BBS12: variants seen among roughly 807,000 people sequenced by gnomAD.
The protein encoded by BBS12 is Bardet-Biedl syndrome 12.
In BBS12, 5 loss-of-function variants were observed where a neutral mutation model predicts 5.6. The ratio of observed to expected loss-of-function variants is 0.89; its 90% CI spans 0.46 to 1.86. The LOEUF (loss-of-function observed/expected upper bound fraction) is 1.86. BBS12 is among the 40% of genes most tolerant of loss of function. The pLI is 0.01. For missense variants in BBS12, 748 were observed against 830.4 expected, an observed-to-expected ratio of 0.90 and a Z score of 1.22; for synonymous variants, 308 against 306.8, an observed-to-expected ratio of 1.00 and a Z score of -0.04.
At chr4:122,701,213 T>C in the BBS12 span, among the ~76,000 whole-genome samples, 2 of 152,244 alleles carry the variant, frequency 1.3e-5, no homozygotes, top group Non-Finnish European at 2.9e-5. Flanking sequence ...TAGTCATTTC[T>C]GTAGAAACAG....
intron 1 of BBS12, among the ~76,000 whole-genome samples, chr4:122,734,958 A>G (rs2150732447): frequency 6.6e-6 from 1 of 152,352 alleles, no homozygotes; most frequent in Middle Eastern, 3.4e-3. Flanking sequence ...AATGTTTTCT[A>G]TATGTCATGC....
At chr4:122,733,403 A>G (rs1013017243) in intron 1 of BBS12, among the ~76,000 whole-genome samples, 8 of 147,176 alleles carry the variant, frequency 5.4e-5, no homozygotes, top group African/African-American at 2.1e-4. Context: ...ACACACACAC[A>G]CACACACACA....
the BBS12 span, among the ~76,000 whole-genome samples, chr4:122,708,366 G>A: frequency 1.3e-5 from 2 of 152,230 alleles, no homozygotes; most frequent in Admixed American, 6.5e-5. Flanking sequence ...GCTACCAGCT[G>A]TTAGGAGGCC....
Position 122,742,771 on chromosome 4 carries a change from A to T in BBS12, c.879A>T (p.Gln293His). ...MKLVEEAVQL[Q>H]YQNACVQQGN... ...TAGTAGAAGAAGCAGTACAGCTGCAATATCAGAATGCTTGTGTGCAACAAG... is the reference window on the plus strand; with the variant it reads ...TAGTAGAAGAAGCAGTACAGCTGCATTATCAGAATGCTTGTGTGCAACAAG... Residue 293 changes from glutamine to histidine, a missense_variant, in exon 2 of 2, where the codon CAA becomes CAT. Physicochemically the swap from Gln to His is conservative, Grantham distance 24 (BLOSUM62 0). Coordinates refer to ENST00000314218, the MANE Select transcript of BBS12 (RefSeq NM_152618.3). The T allele has an allele frequency of 6.2e-7, 1 of 1,614,266 alleles. No individual in the cohort carries two copies. Among genetic ancestry groups the T allele is most frequent in the Non-Finnish European group, 8.5e-7 (1 of 1,180,048 alleles).
At chr4:122,722,750 T>A in the BBS12 span, among the ~76,000 whole-genome samples, 1 of 152,310 alleles carries the variant, frequency 6.6e-6, no homozygotes, top group African/African-American at 2.4e-5. Flanking sequence ...GCAATCTATA[T>A]AAATTCTTTT....
At chr4:122,735,751 C>T (rs987595154) in intron 1 of BBS12, among the ~76,000 whole-genome samples, 1 of 152,166 alleles carries the variant, frequency 6.6e-6, no homozygotes, top group Non-Finnish European at 1.5e-5. Context: ...GGATATACAT[C>T]ATTGACTAAA....
the BBS12 span, among the ~76,000 whole-genome samples, chr4:122,708,661 T>C: frequency 6.6e-6 from 1 of 151,350 alleles, no homozygotes; most frequent in African/African-American, 2.5e-5. Context: ...TCACTAACAG[T>C]AAATTTCAAA....
At position 122,744,345 on chromosome 4, in the gene BBS12, G is replaced by T; in HGVS notation, c.*320G>T. The T allele has an allele frequency of 3.4e-6, 1 of 297,726 alleles. No individual in the cohort carries two copies. The highest frequency in any genetic ancestry group is 6.7e-6 in the Non-Finnish European group (1 of 148,922). 18.4% of individuals were successfully genotyped at this position (297,726 alleles called of 1,614,324 possible). The stretch of plus-strand genomic sequence containing the variant: ...TTCCTCATTTTTCTAGTTCCCACAG[G>T]AGGAACACAAAGGGCCCATGATGAA... On this transcript the variant is annotated 3_prime_UTR_variant, in exon 2 of 2. Transcript: ENST00000314218.
rs1800956480 is a variant in BBS12 at position 122,744,471 on chromosome 4, T to C, written c.*446T>C. On this transcript the variant is annotated 3_prime_UTR_variant, in exon 2 of 2. Coordinates refer to ENST00000314218, the MANE Select transcript of BBS12 (RefSeq NM_152618.3). ...TTGTCCAAAGGGAGTTATTACCCCA[T>C]ACTTGAAGATAGCTTAGTGTAAACA... The C allele has an allele frequency of 5.4e-6, 1 of 183,566 alleles. No individual in the cohort carries two copies. Among genetic ancestry groups the C allele is most frequent in the African/African-American group, 2.4e-5 (1 of 41,566 alleles). 11.4% of individuals were successfully genotyped at this position (183,566 alleles called of 1,614,324 possible).
the BBS12 span, among the ~76,000 whole-genome samples, chr4:122,703,849 A>C: frequency 1.8e-4 from 27 of 151,972 alleles, no homozygotes; most frequent in Non-Finnish European, 2.1e-4. Context: ...GTATTAATTA[A>C]TTTATTCATT....
chr4:122,717,070 T>TA, the BBS12 span, among the ~76,000 whole-genome samples: 1 of 152,188 alleles, frequency 6.6e-6, no homozygotes, highest in Non-Finnish European at 1.5e-5. Flanking sequence ...GACCAACCCC[T>TA]ATTCCAGTGG....
chr4:122,732,394 C>G (rs952568394), upstream of BBS12: 1 of 152,276 alleles, frequency 6.6e-6, no homozygotes, highest in African/African-American at 2.4e-5. Flanking sequence ...CCGGCCCCAG[C>G]AGAAGGTTAC....
At chr4:122,732,136 G>C (rs1800705396), upstream of BBS12, 1 of 152,176 alleles carries the variant, frequency 6.6e-6, no homozygotes, top group Admixed American at 6.5e-5. Flanking sequence ...GATTCATTCA[G>C]TTCAATTTTT....
the BBS12 span, among the ~76,000 whole-genome samples, chr4:122,703,813 TTTAA>T: frequency 3.9e-5 from 6 of 152,226 alleles, no homozygotes; most frequent in African/African-American, 1.4e-4. Context: ...GTCTTTTATT[TTTAA>T]TTAATTAATT....
At position 122,743,615 on chromosome 4, in the gene BBS12, T is replaced by C. The variant is rs1800931562; in HGVS notation, c.1723T>C (p.Trp575Arg). 6.2e-7 allele frequency: 1 copy of C among 1,614,188 alleles called. No individual in the cohort carries two copies. The highest frequency in any genetic ancestry group is 8.5e-7 in the Non-Finnish European group (1 of 1,180,022). Residue 575 changes from tryptophan (W) to arginine (R), a missense_variant, in exon 2 of 2, where the codon TGG (tryptophan) becomes CGG (arginine). By Grantham distance (101) the Trp-to-Arg change is moderately radical. Transcript: ENST00000314218. ...CSGWLHNTSS[W>R]LASSLAIYRP... is the part of the protein sequence containing the mutation. ...AGGGTGGCTGCATAATACTTCCTCT[T>C]GGCTGGCTTCATCTCTGGCAATATA... is the stretch of plus-strand genomic sequence containing the variant.
chr4:122,719,740 TAGAC>T, the BBS12 span, among the ~76,000 whole-genome samples: 2 of 152,182 alleles, frequency 1.3e-5, no homozygotes, highest in Admixed American at 6.5e-5. Context: ...AAAGTTTAAT[TAGAC>T]AGTTGTGCAA....
At chr4:122,727,544 A>ATTCTTTTTTTTTTTTTTTT in the BBS12 span, among the ~76,000 whole-genome samples, 1 of 82,302 alleles carries the variant, frequency 1.2e-5, no homozygotes, top group African/African-American at 6.1e-5. Context: ...CCCCTGGCCA[A>ATTCTTTTTTTTTTTTTTTT]TTTTTTTTTT....
the BBS12 span, among the ~76,000 whole-genome samples, chr4:122,722,242 G>T: frequency 6.6e-6 from 1 of 152,150 alleles, no homozygotes; most frequent in Non-Finnish European, 1.5e-5. Context: ...AAGTATGGGC[G>T]TGTTTCAGGA....
chr4:122,732,604 G>A (rs965613189), upstream of BBS12: 11 of 152,352 alleles, frequency 7.2e-5, no homozygotes, highest in African/African-American at 2.4e-4. Context: ...CAGAAAAAAA[G>A]GCCTTTAAAC....
Sources: gnomAD v4.1 joint callset for allele counts (sites outside exome capture counted in the v4.1 genomes callset) on GRCh38, gnomAD v4.1.1 for gene constraint, MANE v1.5 for transcripts, NCBI Gene and HGNC (gene_info 2026-07-23, HGNC 2026-07-21) for gene names.